Variants in MIA2 observed in about 807,000 individuals in gnomAD.
MIA2 encodes MIA SH3 domain ER export factor 2, also known as melanoma inhibitory activity protein 2.
MIA2 carries 127 observed loss-of-function variants against 167.8 expected under a neutral mutation model. The ratio of observed to expected loss-of-function variants is 0.76; its 90% CI spans 0.66 to 0.88. The LOEUF is 0.88. Among genes scored for constraint, MIA2 ranks in the 40% least tolerant of loss-of-function variants. MIA2 has a pLI of 0.00. For missense variants in MIA2, 1,690 were observed against 1,624.7 expected (o/e 1.04, Z -0.69); for synonymous variants, 552 against 541.9 (o/e 1.02, Z -0.26).
chr14:39,303,572 C>T (rs369302002), intron 16 of MIA2, 48 bp downstream of exon 16: 20 of 1,340,814 alleles, frequency 1.5e-5, no homozygotes, highest in Admixed American at 9.1e-5. Flanking sequence ...AGAAAGAGAA[C>T]GTGGATTACT....
At chr14:39,347,877 A>G in intron 27 of MIA2, 106 bp downstream of exon 27, 1 of 1,079,978 alleles carries the variant, frequency 9.3e-7, no homozygotes. Flanking sequence ...GCTGGAGTGC[A>G]GTGGCGCTAT....
chr14:39,266,807 G>A, intron 6 of MIA2: 1 of 930,654 alleles, frequency 1.1e-6, no homozygotes, highest in African/African-American at 1.8e-5. Flanking sequence ...AGCCTTGGGT[G>A]TCGGGGCTGG....
At chr14:39,386,233 A>G (rs1009607492) in intron 23 of MIA2, 34 of 1,421,180 alleles carry the variant, frequency 2.4e-5, no homozygotes, top group Non-Finnish European at 3.2e-5. Flanking sequence ...CTGCAGTTGT[A>G]TTTTTGGTAG....
chr14:39,285,466 G>A (rs1366973766), intron 9 of MIA2, among the ~76,000 whole-genome samples: 1 of 142,532 alleles, frequency 7.0e-6, no homozygotes, highest in Non-Finnish European at 1.5e-5. Flanking sequence ...GGCTGGCCGG[G>A]CGGGGGCTGA....
At chr14:39,334,817 C>T (rs986272992) in intron 25 of MIA2, among the ~76,000 whole-genome samples, 6 of 152,190 alleles carry the variant, frequency 3.9e-5, no homozygotes, top group Non-Finnish European at 5.9e-5. Context: ...ATCCACCTGC[C>T]TTGGCCTCCC....
intron 25 of MIA2, among the ~76,000 whole-genome samples, chr14:39,331,212 T>C (rs932873119): frequency 6.6e-6 from 1 of 152,196 alleles, no homozygotes; most frequent in African/African-American, 2.4e-5. Flanking sequence ...CATTATGTAA[T>C]GCCCTTCTTT....
intron 14 of MIA2, among the ~76,000 whole-genome samples, chr14:39,301,699 A>G (rs1030247846): frequency 6.6e-6 from 1 of 152,234 alleles, no homozygotes; most frequent in Non-Finnish European, 1.5e-5. Context: ...AAATGTCTTT[A>G]TCTCAGCTAA....
At chr14:39,368,500 T>C in intron 23 of MIA2, among the ~76,000 whole-genome samples, 1 of 152,142 alleles carries the variant, frequency 6.6e-6, no homozygotes, top group Admixed American at 6.5e-5. Context: ...GTACTCCTCA[T>C]AGCAGGATTT....
chr14:39,348,847 G>A lies in MIA2; in HGVS notation c.3942G>A (p.Val1314=). 1 of 1,614,026 alleles carries A rather than the reference G, an allele frequency of 6.2e-7. No homozygotes were observed. Among genetic ancestry groups the A allele is most frequent in the African/African-American group, 1.3e-5 (1 of 75,032 alleles). ...LAPIRGPLFP[V]DARGPFLRRG... is the part of the protein sequence containing the mutation. The stretch of plus-strand genomic sequence containing the variant: ...CAATCAGAGGTCCATTGTTTCCAGT[G>A]GATGCAAGAGGCCCATTCTTGAGAA... Residue 1314 remains valine, a synonymous_variant, in exon 28 of 29, where the codon GTG becomes GTA. Coordinates refer to ENST00000640607, the MANE Select transcript of MIA2 (RefSeq NM_001329214.4).
At chr14:39,314,886 A>C (rs1237221951) in intron 20 of MIA2, 87 bp downstream of exon 20, 1 of 1,051,174 alleles carries the variant, frequency 9.5e-7, no homozygotes, top group Non-Finnish European at 1.3e-6. Flanking sequence ...TTGATGCAGG[A>C]ATATAATTAC....
intron 23 of MIA2, among the ~76,000 whole-genome samples, chr14:39,369,082 T>G (rs905807540): frequency 6.6e-6 from 1 of 152,230 alleles, no homozygotes; most frequent in Non-Finnish European, 1.5e-5. Flanking sequence ...GCTCATATTT[T>G]TTTAAATGTA....
At chr14:39,266,372 T>C (rs964707949) in intron 6 of MIA2, 1 of 984,968 alleles carries the variant, frequency 1.0e-6, no homozygotes, top group African/African-American at 1.8e-5. Context: ...GTCCTAAATT[T>C]AGAAGGCAAG....
At chr14:39,381,862 TAAAC>T (rs147703956) in intron 23 of MIA2, among the ~76,000 whole-genome samples, 45,592 of 150,336 alleles carry the variant, frequency 0.3, 7,229 homozygotes, top group East Asian at 0.51. Flanking sequence ...CAAGAACAAT[TAAAC>T]AACACAAATG....
At position 39,267,119 on chromosome 14, in the gene MIA2, G is replaced by A. The variant is rs952457495; in HGVS notation, c.1888-9815G>A. 8 of 1,140,488 alleles carry A rather than the reference G, an allele frequency of 7.0e-6. No homozygotes were observed. In the South Asian group the frequency reaches 2.0e-4, roughly 28 times the overall value. The allele number at this position is 1,140,488 out of a possible 1,614,324, so 70.6% of individuals were successfully genotyped here. On this transcript the variant is annotated intron_variant, in intron 6 of 28. Transcript: ENST00000640607. Reference sequence around the variant, plus strand: ...CGCGAAGAAGGGGAAGTTTGCGGCTGTCCGCGCCTCCCCGCCTTCTCGCGG... The same window carrying A: ...CGCGAAGAAGGGGAAGTTTGCGGCTATCCGCGCCTCCCCGCCTTCTCGCGG...
At chr14:39,368,085 C>A (rs1272703064) in intron 23 of MIA2, among the ~76,000 whole-genome samples, 1 of 152,070 alleles carries the variant, frequency 6.6e-6, no homozygotes, top group African/African-American at 2.4e-5. Context: ...AATGCATTTA[C>A]ATGTGAGGCT....
chr14:39,284,426 A>G (rs1193401906), intron 9 of MIA2, among the ~76,000 whole-genome samples: 1 of 152,176 alleles, frequency 6.6e-6, no homozygotes. Context: ...TTTTTATACT[A>G]GTACCACGTT....
chr14:39,289,085 G>A (rs891901813), intron 9 of MIA2, among the ~76,000 whole-genome samples: 11 of 152,060 alleles, frequency 7.2e-5, no homozygotes, highest in African/African-American at 1.9e-4. Context: ...AAATTCAGCC[G>A]TGAAGCCATC....
intron 25 of MIA2, among the ~76,000 whole-genome samples, chr14:39,341,759 T>C (rs2071919358): frequency 6.6e-6 from 1 of 152,210 alleles, no homozygotes; most frequent in Non-Finnish European, 1.5e-5. Flanking sequence ...TGAGCATCAG[T>C]TTGAAATTTA....
intron 25 of MIA2, among the ~76,000 whole-genome samples, chr14:39,329,311 A>G (rs2068265823): frequency 6.6e-6 from 1 of 152,206 alleles, no homozygotes; most frequent in Non-Finnish European, 1.5e-5. Flanking sequence ...TTGATTTTGT[A>G]TCCTGAGACT....
Sources: allele counts gnomAD v4.1 joint callset (sites outside exome capture counted in the v4.1 genomes callset), GRCh38; gene constraint gnomAD v4.1.1; transcripts MANE v1.5; gene names NCBI Gene and HGNC (gene_info 2026-07-23, HGNC 2026-07-21).